Variants in RFTN1 observed in about 807,000 individuals in gnomAD.
The protein encoded by RFTN1 is raftlin.
In RFTN1, 26 loss-of-function variants were observed where a neutral mutation model predicts 46.5. The ratio of observed to expected loss-of-function variants is 0.56; its 90% confidence interval spans 0.41 to 0.78. The LOEUF (loss-of-function observed/expected upper bound fraction) is 0.78, where lower values mean the gene tolerates loss of function less well. RFTN1 is among the 30% of genes least tolerant of loss of function. The probability of loss-of-function intolerance (pLI) is 0.00; values close to 1 mark genes in which losing one functional copy is unlikely to be tolerated. For synonymous variants in RFTN1, 261 were observed against 284.2 expected (o/e 0.92, Z 0.82); for missense variants, 693 against 718.7 (o/e 0.96, Z 0.41).
chr3:16,414,442 A>T (rs9832910), intron 3 of RFTN1, among the ~76,000 whole-genome samples: 58,149 of 151,598 alleles, frequency 0.38, 11,194 homozygotes, highest in Middle Eastern at 0.39. Flanking sequence ...CCCCATCTCT[A>T]CTAAAAATAC....
chr3:16,374,490 G>A lies in RFTN1; in HGVS notation c.826+3228C>T, dbSNP rs2073665418. 6.6e-6 allele frequency among the ~76,000 whole-genome samples: 1 copy of A among 152,164 alleles called. No individual in the cohort carries two copies. The highest frequency in any genetic ancestry group is 1.5e-5 in the Non-Finnish European group (1 of 68,024). On this transcript the variant is annotated intron_variant, in intron 5 of 9. Transcript: ENST00000334133. This position sits in a 1 kb window ranked among gnomAD's most constrained non-coding sequence, Gnocchi z 5.4. ...CAGGAAAGCCCAACCCCCAGGTTTT[G>A]GCCATTCACAATGAGCTGGCAGCCA... is the stretch of plus-strand genomic sequence containing the variant.
intron 2 of RFTN1, among the ~76,000 whole-genome samples, chr3:16,435,273 A>T (rs1289740889): frequency 1.3e-5 from 2 of 152,338 alleles, no homozygotes; most frequent in Non-Finnish European, 1.5e-5. Flanking sequence ...TTATCAATTA[A>T]CAGTATACTT....
rs1161031797 is a variant in RFTN1 at position 16,450,053 on chromosome 3, T to C, written c.146-16016A>G. ...GCACACAAAGCAAAGGCAGAAGACA[T>C]GTCACCCCCATCCTGACCACTCTCC... On this transcript the variant is annotated intron_variant, in intron 2 of 9. Transcript: ENST00000334133. This position sits in a 1 kb window ranked among gnomAD's most constrained non-coding sequence, Gnocchi z 4.6. Among the ~76,000 whole-genome samples, 1 of 152,148 alleles carries C rather than the reference T, an allele frequency of 6.6e-6. No homozygotes were observed. Among genetic ancestry groups the C allele is most frequent in the Non-Finnish European group, 1.5e-5 (1 of 68,018 alleles).
rs1559843974 is a variant in RFTN1 at position 16,345,855 on chromosome 3, T to TGCGC, written c.1146+12076_1146+12077insGCGC. Among the ~76,000 whole-genome samples, 21 of 61,732 alleles carry TGCGC rather than the reference T, an allele frequency of 3.4e-4. No individual in the cohort carries two copies. The highest frequency in any genetic ancestry group is 7.1e-4 in the Admixed American group (5 of 7,024). The allele number at this position is 61,732 out of a possible 152,430, so 40.5% of individuals were successfully genotyped here. On this transcript the variant is annotated intron_variant, in intron 7 of 9. Transcript: ENST00000334133. The surrounding 1 kb of genome is among the most constrained non-coding windows in gnomAD (Gnocchi z 5.2). Reference sequence around the variant, plus strand: ...GCGCGCACGCGCACATGTGCATGTGTATGTGTATAATCTCCTACTGGTTCT... The same window carrying TGCGC: ...GCGCGCACGCGCACATGTGCATGTGTGCGCATGTGTATAATCTCCTACTGGTTCT...
At chr3:16,469,934 G>C (rs1328175326) in intron 2 of RFTN1, among the ~76,000 whole-genome samples, 1 of 152,156 alleles carries the variant, frequency 6.6e-6, no homozygotes, top group African/African-American at 2.4e-5. Context: ...ATTTCACCCT[G>C]ACAATAACCC....
chr3:16,509,753 AT>A lies in RFTN1; in HGVS notation c.-9+3688del, dbSNP rs1229332133. 6.6e-6 allele frequency among the ~76,000 whole-genome samples: 1 copy of A among 152,204 alleles called. No homozygotes were observed. Among genetic ancestry groups the A allele is most frequent in the Non-Finnish European group, 1.5e-5 (1 of 68,038 alleles). On this transcript the variant is annotated intron_variant, in intron 1 of 9. Coordinates refer to ENST00000334133, the MANE Select transcript of RFTN1 (RefSeq NM_015150.2). This position sits in a 1 kb window ranked among gnomAD's most constrained non-coding sequence, Gnocchi z 4.9. ...CCCACTGTCAACCTCCAGAGAGGCG[AT>A]CACCCAGATGGGTATCACGAGTCAC...
rs1040104382 is a variant in RFTN1, at chr3:16,421,981, C to A, written c.332+11870G>T. Among the ~76,000 whole-genome samples, 1 of 152,132 alleles carries A rather than the reference C, an allele frequency of 6.6e-6. No homozygotes were observed. The highest frequency in any genetic ancestry group is 1.9e-4 in the East Asian group (1 of 5,198). On this transcript the variant is annotated intron_variant, in intron 3 of 9. Transcript: ENST00000334133. The surrounding 1 kb of genome is among the most constrained non-coding windows in gnomAD (Gnocchi z 4.6). ...ACATACACACCAAGCCAGGACACCACCTTCAACCTGAATGCTAAATATTAT... is the reference window on the plus strand; with the variant it reads ...ACATACACACCAAGCCAGGACACCAACTTCAACCTGAATGCTAAATATTAT...
chr3:16,379,800 C>A (rs1310170110), intron 4 of RFTN1, among the ~76,000 whole-genome samples: 1 of 152,132 alleles, frequency 6.6e-6, no homozygotes, highest in Non-Finnish European at 1.5e-5. Context: ...AAAAATTATT[C>A]TATAAAGCTC....
intron 7 of RFTN1, among the ~76,000 whole-genome samples, chr3:16,350,778 GA>G (rs527794418): frequency 1.4e-4 from 22 of 152,206 alleles, no homozygotes; most frequent in Admixed American, 1.3e-3. Flanking sequence ...CCTATCACAG[GA>G]AAAAGGCAGA....
intron 5 of RFTN1, among the ~76,000 whole-genome samples, chr3:16,375,806 C>G (rs2073746638): frequency 6.6e-6 from 1 of 152,218 alleles, no homozygotes. Context: ...CACACACATT[C>G]ACCCATTCCT....
In RFTN1 at chr3:16,404,708, T is replaced by C. The variant is rs528472522; in HGVS notation, c.441+4667A>G. Among the ~76,000 whole-genome samples, 3 of 152,048 alleles carry C rather than the reference T, an allele frequency of 2.0e-5. No homozygotes were observed. The East Asian group carries it at 5.8e-4, about 30-fold the overall frequency. On this transcript the variant is annotated intron_variant, in intron 4 of 9. Transcript: ENST00000334133. Reference sequence around the variant, plus strand: ...CTGCCCACCTTGCCTCTCAGCCTCCTCCAGTCTCAGTTCCTCACTTTGCAG... The same window carrying C: ...CTGCCCACCTTGCCTCTCAGCCTCCCCCAGTCTCAGTTCCTCACTTTGCAG...
At position 16,447,400 on chromosome 3, in the gene RFTN1, T is replaced by C. The variant is rs1252469371; in HGVS notation, c.146-13363A>G. On this transcript the variant is annotated intron_variant, in intron 2 of 9. Coordinates refer to ENST00000334133, the MANE Select transcript of RFTN1 (RefSeq NM_015150.2). The surrounding 1 kb of genome is among the most constrained non-coding windows in gnomAD (Gnocchi z 5.9). The stretch of plus-strand genomic sequence containing the variant: ...ATTGGTGCATGGAAATAGAAAATCA[T>C]ACACACGAGTTGAGCAGCTCCGGCT... Among the ~76,000 whole-genome samples the C allele has an allele frequency of 6.6e-6, 1 of 152,222 alleles. No homozygotes were observed. The highest frequency in any genetic ancestry group is 2.4e-5 in the African/African-American group (1 of 41,464).
intron 7 of RFTN1, among the ~76,000 whole-genome samples, chr3:16,343,110 G>T (rs1401496948): frequency 6.6e-6 from 1 of 152,178 alleles, no homozygotes; most frequent in East Asian, 1.9e-4. Context: ...CTCCCAAAGA[G>T]CTGGGATTAC....
intron 1 of RFTN1, among the ~76,000 whole-genome samples, chr3:16,505,471 A>G (rs1214999646): frequency 6.6e-6 from 1 of 152,196 alleles, no homozygotes; most frequent in East Asian, 1.9e-4. Context: ...AGAGAGAGAC[A>G]AATAGAGGTA....
At chr3:16,455,488 G>GTTT (rs2075890272) in intron 2 of RFTN1, among the ~76,000 whole-genome samples, 1 of 152,176 alleles carries the variant, frequency 6.6e-6, no homozygotes, top group African/African-American at 2.4e-5. Flanking sequence ...CAAAGGACTA[G>GTTT]TCCTGACAGA....
Position 16,387,780 on chromosome 3 carries a change from G to A in RFTN1, c.442-9678C>T, listed in dbSNP as rs1383095098. On this transcript the variant is annotated intron_variant, in intron 4 of 9. Coordinates refer to ENST00000334133, the MANE Select transcript of RFTN1 (RefSeq NM_015150.2). This position sits in a 1 kb window ranked among gnomAD's most constrained non-coding sequence, Gnocchi z 5.2. ...CTAGCTTCTGTACTGCCTCCTCACC[G>A]GCAGCTCCCCACAGCCCTCCTGTCA... is the stretch of plus-strand genomic sequence containing the variant. 3.3e-5 allele frequency among the ~76,000 whole-genome samples: 5 copies of A among 151,958 alleles called. No individual in the cohort carries two copies. Among genetic ancestry groups the A allele is most frequent in the Middle Eastern group, 3.4e-3 (1 of 294 alleles).
chr3:16,360,190 G>C (rs1037696562), intron 6 of RFTN1, among the ~76,000 whole-genome samples: 6 of 146,690 alleles, frequency 4.1e-5, no homozygotes, highest in African/African-American at 1.5e-4. Flanking sequence ...TTTTTTGTTT[G>C]AGGTAGGGTC....
At chr3:16,434,622 A>G (rs1246030334) in intron 2 of RFTN1, 1 of 152,094 alleles carries the variant, frequency 6.6e-6, no homozygotes, top group Non-Finnish European at 1.5e-5. Flanking sequence ...AGTGATCACA[A>G]TGAAAAAGTC....
intron 7 of RFTN1, chr3:16,339,635 A>G (rs556554901): frequency 6.6e-6 from 1 of 152,344 alleles, no homozygotes; most frequent in South Asian, 2.1e-4. Flanking sequence ...ATGGTCTCAG[A>G]GAGACTGGCC....
Sources: allele counts gnomAD v4.1 joint callset (sites outside exome capture counted in the v4.1 genomes callset), GRCh38; gene constraint gnomAD v4.1.1; non-coding constraint Gnocchi (gnomAD v3.1); transcripts MANE v1.5; gene names NCBI Gene and HGNC (gene_info 2026-07-23, HGNC 2026-07-21).